The following L3MBTL4 variants were observed in gnomAD, a reference collection of about 807,000 sequenced individuals.
The protein encoded by L3MBTL4 is lethal(3)malignant brain tumor-like protein 4.
In L3MBTL4, 70 loss-of-function variants were observed where a neutral mutation model predicts 84.5. The observed-to-expected ratio is 0.83, with a 90% CI of 0.68 to 1.01. The LOEUF is 1.01. Ranked by LOEUF, L3MBTL4 falls within the 50% of genes least tolerant of loss-of-function variation. The pLI, the probability that L3MBTL4 is intolerant of heterozygous loss-of-function variation, is 0.00. For missense variants in L3MBTL4, 715 were observed against 754.8 expected, an observed-to-expected ratio of 0.95 and a Z score of 0.62; for synonymous variants, 274 against 259.8, an observed-to-expected ratio of 1.05 and a Z score of -0.52.
At chr18:6,366,251 G>C (rs1413508297) in intron 1 of L3MBTL4, among the ~76,000 whole-genome samples, 1 of 152,164 alleles carries the variant, frequency 6.6e-6, no homozygotes, top group African/African-American at 2.4e-5. Flanking sequence ...ACTTGAAAAT[G>C]TCTGTCCACA....
Position 6,264,015 on chromosome 18 carries a change from C to T in L3MBTL4, c.151G>A (p.Ala51Thr), listed in dbSNP as rs201234226. ...SHVPSAAAQG[A>T]WSWEWYLKEQ... ...TTCAAGTACCACTCCCAAGACCATG[C>T]TCCCTGTGCAGCCGCTGAAGGGACT... The change falls in exon 5 of 19, where the codon GCA becomes ACA. Residue 51 changes from alanine (A) to threonine (T), a missense_variant. Ala to Thr is a moderately conservative substitution (Grantham distance 58). Coordinates refer to ENST00000317931, the MANE Select transcript of L3MBTL4 (RefSeq NM_001330559.2). 6.2e-7 allele frequency: 1 copy of T among 1,613,790 alleles called. No homozygotes were observed. Among genetic ancestry groups the T allele is most frequent in the South Asian group, 1.1e-5 (1 of 91,066 alleles).
intron 3 of L3MBTL4, among the ~76,000 whole-genome samples, chr18:6,306,448 A>G (rs1188964147): frequency 6.6e-6 from 1 of 152,262 alleles, no homozygotes; most frequent in African/African-American, 2.4e-5. Flanking sequence ...CATGAATTTT[A>G]CTGACTGTTG....
At chr18:6,049,885 T>G (rs2056779506) in intron 16 of L3MBTL4, among the ~76,000 whole-genome samples, 1 of 152,218 alleles carries the variant, frequency 6.6e-6, no homozygotes, top group African/African-American at 2.4e-5. Context: ...TTGAAATTAT[T>G]TTGAAAAAGG....
At chr18:6,169,058 G>A (rs1483288448) in intron 13 of L3MBTL4, among the ~76,000 whole-genome samples, 2 of 152,114 alleles carry the variant, frequency 1.3e-5, no homozygotes, top group African/African-American at 4.8e-5. Context: ...CATTTATGCA[G>A]CCAAAAAACA....
intron 1 of L3MBTL4, chr18:6,326,491 A>G (rs1296782952): frequency 2.0e-5 from 3 of 152,226 alleles, no homozygotes; most frequent in African/African-American, 7.2e-5. Flanking sequence ...GGGAAAGAGC[A>G]TCCAATTGAC....
chr18:6,062,613 T>C (rs2057263170), intron 16 of L3MBTL4, among the ~76,000 whole-genome samples: 1 of 151,956 alleles, frequency 6.6e-6, no homozygotes, highest in Non-Finnish European at 1.5e-5. Context: ...CCATTGCACG[T>C]TTACCCTTTG....
At chr18:6,263,199 T>C (rs1225903919) in intron 5 of L3MBTL4, among the ~76,000 whole-genome samples, 2 of 147,008 alleles carry the variant, frequency 1.4e-5, no homozygotes, top group Non-Finnish European at 3.0e-5. Flanking sequence ...AACCAGGGAG[T>C]TGGAGGTTGC....
chr18:6,334,714 T>C (rs531405777), intron 1 of L3MBTL4, among the ~76,000 whole-genome samples: 1 of 152,258 alleles, frequency 6.6e-6, no homozygotes, highest in Admixed American at 6.5e-5. Flanking sequence ...ACATAGCAAA[T>C]CTACCTTCTA....
chr18:6,058,411 A>G (rs2057097581), intron 16 of L3MBTL4, among the ~76,000 whole-genome samples: 1 of 152,158 alleles, frequency 6.6e-6, no homozygotes, highest in Non-Finnish European at 1.5e-5. Flanking sequence ...TCTCAGGTTT[A>G]GAAAACTTTT....
chr18:6,382,161 G>A (rs1023485904), intron 1 of L3MBTL4, among the ~76,000 whole-genome samples: 2 of 152,094 alleles, frequency 1.3e-5, no homozygotes, highest in Admixed American at 6.5e-5. Flanking sequence ...AAGTTCTCGT[G>A]CTGTGCTTTT....
intron 12 of L3MBTL4, among the ~76,000 whole-genome samples, chr18:6,204,055 G>T (rs1304276837): frequency 6.6e-6 from 1 of 152,034 alleles, no homozygotes; most frequent in Non-Finnish European, 1.5e-5. Flanking sequence ...TGCTCCTCGG[G>T]GCCCCAGCTT....
chr18:6,076,051 C>T lies in L3MBTL4; in HGVS notation c.1444+4830G>A, dbSNP rs138275684. On this transcript the variant is annotated intron_variant, in intron 16 of 18. Coordinates refer to ENST00000317931, the MANE Select transcript of L3MBTL4 (RefSeq NM_001330559.2). ...TCCATACTGTGCTGGTAGGAACATC[C>T]TGGTACAACCACTTTGTAAAAATAT... Among the ~76,000 whole-genome samples the T allele has an allele frequency of 3.7e-4, 56 of 152,242 alleles. No individual in the cohort carries two copies. The East Asian group carries it at 0.01, about 27-fold the overall frequency.
At chr18:6,207,749 A>G (rs2045932551) in intron 12 of L3MBTL4, among the ~76,000 whole-genome samples, 1 of 152,150 alleles carries the variant, frequency 6.6e-6, no homozygotes, top group African/African-American at 2.4e-5. Context: ...AGCTTAGCTC[A>G]AAGGACATAT....
rs573760522 is a variant in L3MBTL4, at chr18:6,187,148, A to G, written c.982-15206T>C. On this transcript the variant is annotated intron_variant, in intron 12 of 18. Transcript: ENST00000317931. ...CTGATATGACCTTCTGTTCCTACTC[A>G]GAGTAGATGCTTGTTTTTAGCATAT... 7.2e-5 allele frequency among the ~76,000 whole-genome samples: 11 copies of G among 152,348 alleles called. No homozygotes were observed. The South Asian group carries it at 2.3e-3, about 32-fold the overall frequency.
rs994654765 is a variant in L3MBTL4, at chr18:5,956,014, C to T, written c.*206G>A. 1 of 501,990 alleles carries T rather than the reference C, an allele frequency of 2.0e-6. No individual in the cohort carries two copies. Among genetic ancestry groups the T allele is most frequent in the Non-Finnish European group, 3.5e-6 (1 of 286,630 alleles). 31.1% of individuals were successfully genotyped at this position (501,990 alleles called of 1,614,324 possible). On this transcript the variant is annotated 3_prime_UTR_variant, in exon 19 of 19. Coordinates refer to ENST00000317931, the MANE Select transcript of L3MBTL4 (RefSeq NM_001330559.2). Reference sequence around the variant, plus strand: ...AAGATAACAATGTTCGTAAACCAAACCCACAGATGGGCCTAAGCCTCTGAG... The same window carrying T: ...AAGATAACAATGTTCGTAAACCAAATCCACAGATGGGCCTAAGCCTCTGAG...
chr18:6,097,160 C>T (rs1362786831), intron 14 of L3MBTL4, among the ~76,000 whole-genome samples: 1 of 152,178 alleles, frequency 6.6e-6, no homozygotes, highest in East Asian at 1.9e-4. Context: ...CAGCCCCAAC[C>T]TCATCAACAG....
chr18:6,183,313 G>A (rs2145384035), intron 12 of L3MBTL4, among the ~76,000 whole-genome samples: 1 of 152,306 alleles, frequency 6.6e-6, no homozygotes, highest in Non-Finnish European at 1.5e-5. Context: ...TTACGGCTAT[G>A]ACTAACATAA....
chr18:6,033,688 T>C (rs1401057787), intron 16 of L3MBTL4, among the ~76,000 whole-genome samples: 1 of 152,210 alleles, frequency 6.6e-6, no homozygotes, highest in Non-Finnish European at 1.5e-5. Context: ...TTGCAAAAAA[T>C]CCTTTTCCAC....
At chr18:6,111,466 T>G (rs1224105829) in intron 14 of L3MBTL4, among the ~76,000 whole-genome samples, 1 of 152,226 alleles carries the variant, frequency 6.6e-6, no homozygotes, top group Non-Finnish European at 1.5e-5. Context: ...AATGCTGCTC[T>G]GCTAAGAGCC....
Sources: gnomAD v4.1 joint callset for allele counts (sites outside exome capture counted in the v4.1 genomes callset) on GRCh38, gnomAD v4.1.1 for gene constraint, MANE v1.5 for transcripts, NCBI Gene and HGNC (gene_info 2026-07-23, HGNC 2026-07-21) for gene names.